The following ANXA10 variants were observed in gnomAD, a reference collection of about 807,000 sequenced individuals.
ANXA10 encodes annexin A10, also known as annexin 14.
ANXA10 carries 49 observed loss-of-function variants against 53.5 expected under a neutral mutation model. That is an observed-to-expected ratio of 0.92 (90% CI 0.73 to 1.16). The LOEUF (loss-of-function observed/expected upper bound fraction) is 1.16. ANXA10 is among the 50% of genes most tolerant of loss of function. ANXA10 has a pLI of 0.00. For missense variants in ANXA10, 393 were observed against 394.4 expected (o/e 1.00, Z 0.03); for synonymous variants, 131 against 128.9 (o/e 1.02, Z -0.11).
At chr4:168,165,154 T>G in intron 5 of ANXA10, 93 bp from the exon 6 acceptor site, 1 of 719,482 alleles carries the variant, frequency 1.4e-6, no homozygotes, top group Non-Finnish European at 2.2e-6. Flanking sequence ...CTGGACTTTG[T>G]ACTCACAACT....
intron 6 of ANXA10, among the ~76,000 whole-genome samples, chr4:168,168,199 A>T (rs1258429645): frequency 1.3e-5 from 2 of 152,114 alleles, no homozygotes; most frequent in African/African-American, 4.8e-5. Flanking sequence ...CTGGCTTTTA[A>T]GTTTATCATG....
intron 3 of ANXA10, among the ~76,000 whole-genome samples, chr4:168,154,046 T>C (rs922029499): frequency 9.9e-5 from 15 of 151,784 alleles, no homozygotes; most frequent in Admixed American, 9.9e-4. Context: ...AAAACAAAGA[T>C]ACAAGCGCCA....
chr4:168,092,964 G>A (rs372359800), intron 1 of ANXA10, among the ~76,000 whole-genome samples: 2 of 151,890 alleles, frequency 1.3e-5, no homozygotes, highest in South Asian at 2.1e-4. Flanking sequence ...TATTTGCTAT[G>A]CTTCTGAAGC....
chr4:168,163,223 T>C (rs2149477379), intron 4 of ANXA10, among the ~76,000 whole-genome samples: 1 of 152,250 alleles, frequency 6.6e-6, no homozygotes, highest in Non-Finnish European at 1.5e-5. Context: ...AAGTTGACTG[T>C]GGATTTGTTA....
intron 2 of ANXA10, among the ~76,000 whole-genome samples, chr4:168,130,286 T>G (rs530569962): frequency 6.6e-6 from 1 of 152,112 alleles, no homozygotes; most frequent in Non-Finnish European, 1.5e-5. Context: ...GATTTTTAAA[T>G]GGTGAAACTG....
intron 2 of ANXA10, 52 bp downstream of exon 2, chr4:168,128,217 CTTGTT>C (rs777058591): frequency 1.1e-5 from 17 of 1,495,772 alleles, no homozygotes; most frequent in Non-Finnish European, 1.6e-5. Context: ...TTTGCTTTAC[CTTGTT>C]TTAAGACTAT....
chr4:168,133,442 T>C (rs1398931939), intron 2 of ANXA10, among the ~76,000 whole-genome samples: 1 of 152,084 alleles, frequency 6.6e-6, no homozygotes, highest in South Asian at 2.1e-4. Flanking sequence ...CTTGAGACTA[T>C]AACTGATAAC....
intron 3 of ANXA10, among the ~76,000 whole-genome samples, chr4:168,151,661 T>G (rs960947232): frequency 2.0e-5 from 3 of 152,212 alleles, no homozygotes; most frequent in Non-Finnish European, 4.4e-5. Flanking sequence ...AGTGAGAATT[T>G]AATACTCTAA....
At chr4:168,099,960 T>A (rs1730614548) in intron 1 of ANXA10, among the ~76,000 whole-genome samples, 1 of 152,084 alleles carries the variant, frequency 6.6e-6, no homozygotes, top group African/African-American at 2.4e-5. Flanking sequence ...TAGGCTTCTT[T>A]CTCTCTCCTA....
At chr4:168,155,780 T>G (rs767178443) in intron 3 of ANXA10, among the ~76,000 whole-genome samples, 1,847 of 9,106 alleles carry the variant, frequency 0.2, 175 homozygotes, top group Middle Eastern at 0.58. Context: ...TATCATATAT[T>G]ATATATTATA....
intron 3 of ANXA10, among the ~76,000 whole-genome samples, chr4:168,152,937 G>A (rs1016912182): frequency 6.6e-6 from 1 of 151,816 alleles, no homozygotes; most frequent in Admixed American, 6.6e-5. Flanking sequence ...TCACCCTCAC[G>A]GGCTCAGGTA....
rs552926470 is a variant in ANXA10 at position 168,172,074 on chromosome 4, AT to A, written c.481-5665del. On this transcript the variant is annotated intron_variant, in intron 6 of 11. Transcript: ENST00000359299. ...AGTTCTTTTCATTTCTTTCCTTCCC[AT>A]GTTTATCATGCCCTTAAACTAAATT... 3.9e-5 allele frequency among the ~76,000 whole-genome samples: 6 copies of A among 152,234 alleles called. No individual in the cohort carries two copies. In the South Asian group the frequency reaches 1.2e-3, roughly 32 times the overall value.
chr4:168,137,272 TTTTCC>T (rs1731252830), intron 2 of ANXA10, among the ~76,000 whole-genome samples: 1 of 152,210 alleles, frequency 6.6e-6, no homozygotes, highest in African/African-American at 2.4e-5. Flanking sequence ...TGGATTTTTA[TTTTCC>T]TTTCAATATT....
chr4:168,096,911 CATAT>C (rs35451323), intron 1 of ANXA10, among the ~76,000 whole-genome samples: 11 of 109,660 alleles, frequency 1.0e-4, no homozygotes, highest in African/African-American at 4.6e-4. Context: ...AATACAAATG[CATAT>C]ATATATATAT....
chr4:168,100,005 C>A (rs1467648013), intron 1 of ANXA10, among the ~76,000 whole-genome samples: 2 of 152,016 alleles, frequency 1.3e-5, no homozygotes, highest in African/African-American at 4.8e-5. Context: ...AATCTAGGTT[C>A]ATTTCCTTTT....
chr4:168,184,409 T>A, intron 10 of ANXA10, 150 bp from the exon 11 acceptor site: 1 of 850,156 alleles, frequency 1.2e-6, no homozygotes, highest in South Asian at 1.7e-5. Flanking sequence ...ACTCAGGATC[T>A]GAACCACAGC....
chr4:168,165,294 C>G lies in ANXA10; in HGVS notation c.448C>G (p.His150Asp). 6.3e-7 allele frequency: 1 copy of G among 1,590,806 alleles called. No individual in the cohort carries two copies. Among genetic ancestry groups the G allele is most frequent in the Non-Finnish European group, 8.6e-7 (1 of 1,165,672 alleles). ...GGACATTTATTCAGAGACCTCAGGA[C>G]ACTTCAGAGATACTCTCATGAACTT... The part of the protein sequence containing the change: ...QEDIYSETSG[H>D]FRDTLMNLVQ... Residue 150 changes from histidine (H) to aspartate (D), a missense_variant, in exon 6 of 12, where the codon CAC becomes GAC. Physicochemically the swap from His to Asp is moderately conservative, Grantham distance 81. Transcript: ENST00000359299.
At chr4:168,121,405 C>G (rs553656671) in intron 1 of ANXA10, among the ~76,000 whole-genome samples, 2 of 151,908 alleles carry the variant, frequency 1.3e-5, no homozygotes, top group Non-Finnish European at 2.9e-5. Flanking sequence ...ACATGTTAGC[C>G]GTTTATTTTA....
chr4:168,123,410 T>A (rs1054940052), intron 1 of ANXA10, among the ~76,000 whole-genome samples: 1 of 152,100 alleles, frequency 6.6e-6, no homozygotes, highest in African/African-American at 2.4e-5. Flanking sequence ...AGGGAGGCAG[T>A]CTGGAATGAA....
Sources: allele counts gnomAD v4.1 joint callset (sites outside exome capture counted in the v4.1 genomes callset), GRCh38; gene constraint gnomAD v4.1.1; transcripts MANE v1.5; gene names NCBI Gene and HGNC (gene_info 2026-07-23, HGNC 2026-07-21).